CCDC171: variants seen among roughly 807,000 people sequenced by gnomAD.
CCDC171 encodes coiled-coil domain-containing protein 171.
Under a neutral mutation model 168.2 loss-of-function variants are expected in CCDC171, and 177 were observed. The observed-to-expected ratio is 1.05, with a 90% CI of 0.93 to 1.19. The LOEUF is 1.19. Ranked by LOEUF, CCDC171 falls within the 50% of genes most tolerant of loss-of-function variation. CCDC171 has a pLI of 0.00. For synonymous variants in CCDC171, 687 were observed against 540.8 expected (o/e 1.27, Z -3.75); for missense variants, 1,991 against 1,539.0 (o/e 1.29, Z -4.91).
At chr9:15,785,342 A>C (rs920224158) in intron 21 of CCDC171, among the ~76,000 whole-genome samples, 1 of 152,134 alleles carries the variant, frequency 6.6e-6, no homozygotes, top group African/African-American at 2.4e-5. Flanking sequence ...ATGGAACTAA[A>C]TCCAGGGAAA....
At chr9:15,957,631 G>T (rs757945947) in intron 25 of CCDC171, among the ~76,000 whole-genome samples, 1 of 152,126 alleles carries the variant, frequency 6.6e-6, no homozygotes. Flanking sequence ...AACTTTGAAG[G>T]TTTACATCAA....
At chr9:15,890,663 C>G (rs553084448) in intron 24 of CCDC171, among the ~76,000 whole-genome samples, 1 of 152,038 alleles carries the variant, frequency 6.6e-6, no homozygotes, top group East Asian at 1.9e-4. Context: ...AGTTGAAAAT[C>G]AGAAGGCACC....
chr9:16,039,556 C>T (rs757752644), upstream of CCDC171, among the ~76,000 whole-genome samples: 8 of 152,180 alleles, frequency 5.3e-5, no homozygotes, highest in Admixed American at 2.0e-4. Context: ...CCCTGCAGGT[C>T]GGTAGCCCCA....
At chr9:15,936,689 C>T (rs141419939) in intron 25 of CCDC171, among the ~76,000 whole-genome samples, 513 of 152,176 alleles carry the variant, frequency 3.4e-3, no homozygotes, top group African/African-American at 0.012. Context: ...TGAGCCACTG[C>T]GCTCCAGGCA....
chr9:15,861,635 T>C (rs2061563197), intron 23 of CCDC171, among the ~76,000 whole-genome samples: 1 of 151,990 alleles, frequency 6.6e-6, no homozygotes, highest in Non-Finnish European at 1.5e-5. Flanking sequence ...CTCTACAGTT[T>C]TACTCCTCCT....
rs549999932 is a variant in CCDC171 at position 15,987,895 on chromosome 9, T to G, written n.369-32694T>G. Among the ~76,000 whole-genome samples, 15 of 151,718 alleles carry G rather than the reference T, an allele frequency of 9.9e-5. 1 individual carries two copies. In the South Asian group the frequency reaches 3.1e-3, roughly 32 times the overall value. ...CTGAAAGGAATTGTATACAAAATTCTTAATAACTTTGTGCATGAAACAGTT... is the reference window on the plus strand; with the variant it reads ...CTGAAAGGAATTGTATACAAAATTCGTAATAACTTTGTGCATGAAACAGTT... On this transcript the variant is annotated intron_variant and non_coding_transcript_variant, in intron 3 of 9. Coordinates refer to the CCDC171 transcript ENST00000486641.
At chr9:15,701,279 C>G (rs1288909159) in intron 11 of CCDC171, among the ~76,000 whole-genome samples, 1 of 152,022 alleles carries the variant, frequency 6.6e-6, no homozygotes, top group East Asian at 1.9e-4. Context: ...GTTTTTGTTG[C>G]CTGTGCTTTT....
chr9:15,581,493 A>T (rs555363690), intron 4 of CCDC171, among the ~76,000 whole-genome samples: 1 of 152,320 alleles, frequency 6.6e-6, no homozygotes, highest in East Asian at 1.9e-4. Context: ...AGCAAAAAGA[A>T]CAAAGCTGGA....
chr9:15,623,955 TGTTA>T (rs1486612263), intron 7 of CCDC171, among the ~76,000 whole-genome samples: 5 of 152,190 alleles, frequency 3.3e-5, no homozygotes, highest in African/African-American at 9.6e-5. Flanking sequence ...GTAATTGATT[TGTTA>T]GTTCATCTTT....
chr9:15,963,726 A>G (rs769290790), intron 25 of CCDC171, among the ~76,000 whole-genome samples: 27 of 152,032 alleles, frequency 1.8e-4, no homozygotes, highest in Non-Finnish European at 3.7e-4. Flanking sequence ...TCTCTCCCCC[A>G]ATCAGACATC....
rs542945087 is a variant in CCDC171, at chr9:15,878,837, A to G, written c.3600+4174A>G. Among the ~76,000 whole-genome samples, 7 of 152,158 alleles carry G rather than the reference A, an allele frequency of 4.6e-5. No individual in the cohort carries two copies. The South Asian group carries it at 1.5e-3, about 32-fold the overall frequency. ...TCATGTTTTTTGTGGGAACATGGAT[A>G]AAGCTGGAGGCGATCATCCTCAGCA... On this transcript the variant is annotated intron_variant, in intron 24 of 25. Coordinates refer to ENST00000380701, the MANE Select transcript of CCDC171 (RefSeq NM_173550.4).
chr9:15,735,856 A>G (rs6474957), intron 16 of CCDC171, among the ~76,000 whole-genome samples: 142,022 of 152,240 alleles, frequency 0.93, 66,393 homozygotes, highest in East Asian at 1. Flanking sequence ...CTCTAATGAA[A>G]TTGTGGAAGA....
At chr9:16,065,468 G>A (rs1395940865), downstream of CCDC171, among the ~76,000 whole-genome samples, 1 of 152,200 alleles carries the variant, frequency 6.6e-6, no homozygotes, top group African/African-American at 2.4e-5. Context: ...AGCTCGAGGG[G>A]CCCTGAAGGA....
At chr9:15,740,063 T>G (rs1039815) in intron 16 of CCDC171, among the ~76,000 whole-genome samples, 144,074 of 152,220 alleles carry the variant, frequency 0.95, 68,228 homozygotes, top group East Asian at 1. Context: ...TTAAATCTGT[T>G]AATTGATCTT....
chr9:15,721,901 C>A, intron 12 of CCDC171, 26 bp downstream of exon 12: 2 of 1,271,270 alleles, frequency 1.6e-6, no homozygotes, highest in Admixed American at 2.2e-5. Context: ...TTTGGCTCCA[C>A]ACATATAGCC....
At chr9:16,058,580 G>T (rs1336405407) in intron 1 of CCDC171, among the ~76,000 whole-genome samples, 4 of 152,218 alleles carry the variant, frequency 2.6e-5, no homozygotes, top group Non-Finnish European at 5.9e-5. Flanking sequence ...TTTGCAAGGT[G>T]TATTTCAGGA....
At chr9:15,796,063 A>C (rs187859703) in intron 21 of CCDC171, among the ~76,000 whole-genome samples, 11 of 152,396 alleles carry the variant, frequency 7.2e-5, no homozygotes, top group Admixed American at 2.0e-4. Context: ...ACATCAAATG[A>C]GAAAATTTAC....
chr9:15,786,344 C>G (rs937699435), intron 21 of CCDC171, among the ~76,000 whole-genome samples: 3 of 151,782 alleles, frequency 2.0e-5, no homozygotes, highest in Non-Finnish European at 2.9e-5. Flanking sequence ...AATAAATATT[C>G]ATTGTGGAAA....
intron 21 of CCDC171, among the ~76,000 whole-genome samples, chr9:15,789,840 G>C (rs148575864): frequency 6.8e-6 from 1 of 148,010 alleles, no homozygotes; most frequent in East Asian, 2.0e-4. Flanking sequence ...CTACGAATGA[G>C]AACATGCGGT....
Sources: gnomAD v4.1 joint callset for allele counts (sites outside exome capture counted in the v4.1 genomes callset) on GRCh38, gnomAD v4.1.1 for gene constraint, MANE v1.5 for transcripts, NCBI Gene and HGNC (gene_info 2026-07-23, HGNC 2026-07-21) for gene names.